The following IQCH variants were observed in gnomAD, a reference collection of about 807,000 sequenced individuals.
The protein encoded by IQCH is IQ domain-containing protein H.
IQCH carries 98 observed loss-of-function variants against 117.0 expected under a neutral mutation model. That is an observed-to-expected ratio of 0.84 (90% CI 0.71 to 0.99). IQCH has a LOEUF of 0.99. IQCH is among the 50% of genes least tolerant of loss of function. The pLI, the probability that IQCH is intolerant of heterozygous loss-of-function variation, is 0.00. For missense variants in IQCH, 1,102 were observed against 1,243.8 expected (o/e 0.89, Z 1.72); for synonymous variants, 412 against 448.2 (o/e 0.92, Z 1.02).
At position 67,405,676 on chromosome 15, in the gene IQCH, C is replaced by T. The variant is rs1971869067; in HGVS notation, c.2097+5371C>T. 1 of 152,220 alleles carries T rather than the reference C, an allele frequency of 6.6e-6. No homozygotes were observed. The highest frequency in any genetic ancestry group is 1.5e-5 in the Non-Finnish European group (1 of 68,046). The allele number at this position is 152,220 out of a possible 1,614,324, so 9.4% of individuals were successfully genotyped here. On this transcript the variant is annotated intron_variant, in intron 14 of 20. Coordinates refer to ENST00000335894, the MANE Select transcript of IQCH (RefSeq NM_001031715.3). The surrounding 1 kb of genome is among the most constrained non-coding windows in gnomAD (Gnocchi z 4.8). The stretch of plus-strand genomic sequence containing the variant: ...GAACCCACATCTGACTGCTGCTAGC[C>T]CAGTGCTTTTGCCACACTGAGCCAA...
chr15:67,337,883 G>T (rs1236462491), intron 5 of IQCH, among the ~76,000 whole-genome samples: 3 of 152,114 alleles, frequency 2.0e-5, no homozygotes, highest in African/African-American at 7.2e-5. Context: ...GGTTCCCAAA[G>T]GTTCTTCTGC....
chr15:67,398,721 T>C (rs1313073681), intron 13 of IQCH, among the ~76,000 whole-genome samples: 1 of 150,820 alleles, frequency 6.6e-6, no homozygotes, highest in East Asian at 1.9e-4. Flanking sequence ...CCTTTCACAC[T>C]CTTTAGTTAA....
intron 12 of IQCH, 43 bp downstream of exon 12, chr15:67,389,049 A>AT: frequency 2.6e-6 from 4 of 1,514,308 alleles, no homozygotes; most frequent in Non-Finnish European, 3.6e-6. Flanking sequence ...GGATGCAGTA[A>AT]AATTAAATTG....
chr15:67,400,563 TA>T (rs1971620716), intron 14 of IQCH, among the ~76,000 whole-genome samples: 2 of 143,072 alleles, frequency 1.4e-5, no homozygotes, highest in Admixed American at 1.5e-4. Flanking sequence ...GGGCTCACTG[TA>T]ACCTCTGCCT....
At chr15:67,330,390 A>G (rs575202477) in intron 4 of IQCH, among the ~76,000 whole-genome samples, 1 of 152,258 alleles carries the variant, frequency 6.6e-6, no homozygotes, top group African/African-American at 2.4e-5. Flanking sequence ...CACTCTGCAC[A>G]TTGCTAATTA....
rs764034764 is a variant in IQCH, at chr15:67,494,133, C to T, written c.2862-125C>T. On this transcript the variant is annotated intron_variant, in intron 19 of 20. Transcript: ENST00000335894. This position sits in a 1 kb window ranked among gnomAD's most constrained non-coding sequence, Gnocchi z 5.5. Reference sequence around the variant, plus strand: ...TCTTTCATATCTCCCTGAAGATTGCCACCTTGTGAGATTGAAAATACTCAT... The same window carrying T: ...TCTTTCATATCTCCCTGAAGATTGCTACCTTGTGAGATTGAAAATACTCAT... The T allele has an allele frequency of 4.8e-5, 28 of 586,376 alleles. No homozygotes were observed. The highest frequency in any genetic ancestry group is 2.7e-4 in the Middle Eastern group (1 of 3,762). 36.3% of individuals were successfully genotyped at this position (586,376 alleles called of 1,614,324 possible). A position where few individuals can be genotyped will look rare whatever the true frequency, so the allele number is the denominator to read the frequency against.
At chr15:67,435,492 G>C (rs1042402421) in intron 16 of IQCH, among the ~76,000 whole-genome samples, 1 of 151,998 alleles carries the variant, frequency 6.6e-6, no homozygotes, top group Non-Finnish European at 1.5e-5. Context: ...GCTAAGGCAC[G>C]AGAATTGCTT....
Position 67,408,070 on chromosome 15 carries a change from G to A in IQCH, c.2097+7765G>A, listed in dbSNP as rs900226122. On this transcript the variant is annotated intron_variant, in intron 14 of 20. Transcript: ENST00000335894. This position sits in a 1 kb window ranked among gnomAD's most constrained non-coding sequence, Gnocchi z 4.2. ...AGGCGCTATCGCCGCTTCAGCTCCA[G>A]GGTTGGCGGCCATATGGATCCCGAA... 4.6e-5 allele frequency: 7 copies of A among 152,234 alleles called. No individual in the cohort carries two copies. Among genetic ancestry groups the A allele is most frequent in the Non-Finnish European group, 8.8e-5 (6 of 68,046 alleles). The allele number at this position is 152,234 out of a possible 1,614,324, so 9.4% of individuals were successfully genotyped here. A position where few individuals can be genotyped will look rare whatever the true frequency, so the allele number is the denominator to read the frequency against.
intron 4 of IQCH, among the ~76,000 whole-genome samples, chr15:67,311,821 A>G (rs577053068): frequency 6.6e-6 from 1 of 152,136 alleles, no homozygotes; most frequent in East Asian, 1.9e-4. Context: ...TACCTCTCCC[A>G]TGGGTATTTA....
At chr15:67,397,306 C>T (rs1278112830) in intron 13 of IQCH, among the ~76,000 whole-genome samples, 2 of 152,164 alleles carry the variant, frequency 1.3e-5, no homozygotes, top group Non-Finnish European at 2.9e-5. Flanking sequence ...GATGCAGGCA[C>T]ATTTAATGCA....
chr15:67,462,325 AG>A (rs2082818793), intron 16 of IQCH, among the ~76,000 whole-genome samples: 1 of 151,196 alleles, frequency 6.6e-6, no homozygotes, highest in Non-Finnish European at 1.5e-5. Flanking sequence ...GCTACTCCGG[AG>A]GCTGAGGCAG....
intron 6 of IQCH, among the ~76,000 whole-genome samples, chr15:67,353,863 T>A (rs1338770397): frequency 1.3e-5 from 2 of 151,996 alleles, no homozygotes; most frequent in Non-Finnish European, 2.9e-5. Flanking sequence ...CCTAGAAAAA[T>A]GTGAACTACC....
At chr15:67,444,083 T>TCC in intron 16 of IQCH, among the ~76,000 whole-genome samples, 1 of 152,170 alleles carries the variant, frequency 6.6e-6, no homozygotes, top group East Asian at 1.9e-4. Flanking sequence ...TGTAAGTATC[T>TCC]CCCCCCACAA....
chr15:67,347,252 C>A (rs962847019), intron 6 of IQCH, among the ~76,000 whole-genome samples: 2 of 147,794 alleles, frequency 1.4e-5, no homozygotes, highest in Non-Finnish European at 3.0e-5. Flanking sequence ...TTTCATGGAA[C>A]ATTTTTATAA....
rs1465962633 is a variant in IQCH at position 67,443,910 on chromosome 15, C to T, written c.2506-21217C>T. ...GAGAAGTATTATTATCCCTAATTTA[C>T]AAATGAGGAAACTGAGGCTGGAGTG... On this transcript the variant is annotated intron_variant, in intron 16 of 20. Coordinates refer to ENST00000335894, the MANE Select transcript of IQCH (RefSeq NM_001031715.3). The surrounding 1 kb of genome is among the most constrained non-coding windows in gnomAD (Gnocchi z 5.0). 1.3e-5 allele frequency among the ~76,000 whole-genome samples: 2 copies of T among 152,218 alleles called. No individual in the cohort carries two copies. Among genetic ancestry groups the T allele is most frequent in the Non-Finnish European group, 2.9e-5 (2 of 68,046 alleles).
Position 67,407,996 on chromosome 15 carries a change from C to A in IQCH, c.2097+7691C>A, listed in dbSNP as rs573874094. ...GAGAAAAGGAGGTTTAAATGTTACT[C>A]CCACCATCTGGGGACTGGAGGAGAG... is the stretch of plus-strand genomic sequence containing the variant. On this transcript the variant is annotated intron_variant, in intron 14 of 20. Transcript: ENST00000335894. The surrounding 1 kb of genome is among the most constrained non-coding windows in gnomAD (Gnocchi z 5.3). 1 of 152,324 alleles carries A rather than the reference C, an allele frequency of 6.6e-6. No homozygotes were observed. The highest frequency in any genetic ancestry group is 2.1e-4 in the South Asian group (1 of 4,820). The allele number at this position is 152,324 out of a possible 1,614,324, so 9.4% of individuals were successfully genotyped here. A position where few individuals can be genotyped will look rare whatever the true frequency, so the allele number is the denominator to read the frequency against.
rs1166563711 is a variant in IQCH at position 67,465,229 on chromosome 15, C to T, written c.2608C>T (p.Leu870=). The T allele has an allele frequency of 2.5e-6, 4 of 1,613,994 alleles. No homozygotes were observed. The highest frequency in any genetic ancestry group is 2.5e-6 in the Non-Finnish European group (3 of 1,180,036). Residue 870 remains leucine, a synonymous_variant, in exon 17 of 21, where the codon CTG becomes TTG. Transcript: ENST00000335894. This position sits in a 1 kb window ranked among gnomAD's most constrained non-coding sequence, Gnocchi z 5.9. The part of the protein sequence containing the change: ...NGHLDCSLST[L]EVPRFVPKER... ...CCATCTGGATTGCAGTTTGAGCACC[C>T]TGGAAGTGCCCCGCTTTGTTCCAAA...
Position 67,433,028 on chromosome 15 carries a change from A to G in IQCH, c.2505+11451A>G, listed in dbSNP as rs967038432. 2.0e-5 allele frequency among the ~76,000 whole-genome samples: 3 copies of G among 152,220 alleles called. No individual in the cohort carries two copies. Among genetic ancestry groups the G allele is most frequent in the African/African-American group, 7.2e-5 (3 of 41,464 alleles). On this transcript the variant is annotated intron_variant, in intron 16 of 20. Coordinates refer to ENST00000335894, the MANE Select transcript of IQCH (RefSeq NM_001031715.3). The surrounding 1 kb of genome is among the most constrained non-coding windows in gnomAD (Gnocchi z 5.4). ...GGAAGAAGGCTAACAGAGTATATCT[A>G]AATTAAAATGTAATACGCCTTTGGT...
At chr15:67,306,259 C>T (rs1175430647) in intron 4 of IQCH, among the ~76,000 whole-genome samples, 1 of 152,030 alleles carries the variant, frequency 6.6e-6, no homozygotes, top group African/African-American at 2.4e-5. Context: ...TCATATAAAG[C>T]ATTTGGGGAT....
Sources: gnomAD v4.1 joint callset for allele counts (sites outside exome capture counted in the v4.1 genomes callset) on GRCh38, gnomAD v4.1.1 for gene constraint, Gnocchi (gnomAD v3.1) non-coding constraint, MANE v1.5 for transcripts, NCBI Gene and HGNC (gene_info 2026-07-23, HGNC 2026-07-21) for gene names.